The following RTL4 variants were observed in gnomAD, a reference collection of about 807,000 sequenced individuals.
RTL4 encodes retrotransposon Gag-like protein 4.
A neutral mutation model predicts 5.3 loss-of-function variants in RTL4; 4 were observed. That is an observed-to-expected ratio of 0.75 (90% confidence interval 0.37 to 1.72). RTL4 has a LOEUF of 1.72. Among genes scored for constraint, RTL4 ranks in the 40% most tolerant of loss-of-function variants. RTL4 has a pLI of 0.04. For synonymous variants in RTL4, 98 were observed against 87.3 expected (o/e 1.12, Z -0.68); for missense variants, 260 against 227.1 (o/e 1.14, Z -0.93).
the RTL4 span, among the ~76,000 whole-genome samples, chrX:112,163,180 G>A: frequency 8.9e-6 from 1 of 111,851 alleles, no homozygotes; most frequent in Non-Finnish European, 1.9e-5. Flanking sequence ...TGTAGAAAGA[G>A]CCCAAGTGTG....
the RTL4 span, among the ~76,000 whole-genome samples, chrX:112,425,255 T>C: frequency 9.0e-6 from 1 of 111,619 alleles, no homozygotes; most frequent in East Asian, 2.8e-4. Flanking sequence ...TTTTCATGGC[T>C]TCGTTGCTCA....
At chrX:112,243,343 G>C in the RTL4 span, among the ~76,000 whole-genome samples, 3 of 111,124 alleles carry the variant, frequency 2.7e-5, no homozygotes, top group Non-Finnish European at 3.8e-5. Context: ...TTTTTGGTTA[G>C]TAGGCTATTA....
At chrX:112,088,432 T>G in the RTL4 span, among the ~76,000 whole-genome samples, 4 of 112,034 alleles carry the variant, frequency 3.6e-5, no homozygotes, top group African/African-American at 1.3e-4. Context: ...TGTATAGATA[T>G]AATATATTTC....
chrX:112,218,685 A>G, the RTL4 span, among the ~76,000 whole-genome samples: 2 of 110,692 alleles, frequency 1.8e-5, no homozygotes, highest in African/African-American at 6.6e-5. Flanking sequence ...GTGATTCGGG[A>G]TTTGGTTTTT....
the RTL4 span, among the ~76,000 whole-genome samples, chrX:112,342,641 T>A: frequency 9.0e-6 from 1 of 111,434 alleles, no homozygotes; most frequent in African/African-American, 3.3e-5. Flanking sequence ...AGAGAAACCA[T>A]GGGAATGTCT....
the RTL4 span, among the ~76,000 whole-genome samples, chrX:112,132,140 C>T: frequency 6.3e-5 from 7 of 111,250 alleles, no homozygotes; most frequent in East Asian, 5.7e-4. Context: ...TAGACAAAAA[C>T]GTAAGTTAAA....
At chrX:112,247,081 T>A in the RTL4 span, among the ~76,000 whole-genome samples, 1,066 of 111,689 alleles carry the variant, frequency 9.5e-3, 9 homozygotes, top group Middle Eastern at 0.028. Flanking sequence ...CAAAATGGAA[T>A]TTTGTAAAAT....
the RTL4 span, among the ~76,000 whole-genome samples, chrX:112,159,503 A>T: frequency 3.6e-5 from 4 of 111,963 alleles, no homozygotes; most frequent in African/African-American, 1.3e-4. Flanking sequence ...CCAGCGGGGA[A>T]ATAGCAAAAA....
chrX:112,224,093 C>T, the RTL4 span, among the ~76,000 whole-genome samples: 1 of 110,654 alleles, frequency 9.0e-6, no homozygotes, highest in African/African-American at 3.3e-5. Context: ...TTATGGAGCC[C>T]ATAATTGGTC....
the RTL4 span, among the ~76,000 whole-genome samples, chrX:112,305,746 T>C: frequency 8.9e-6 from 1 of 112,248 alleles, no homozygotes; most frequent in Non-Finnish European, 1.9e-5. Flanking sequence ...TGTGATTCGT[T>C]GTATAATATA....
the RTL4 span, among the ~76,000 whole-genome samples, chrX:112,162,690 A>C: frequency 3.6e-5 from 4 of 112,106 alleles, no homozygotes; most frequent in Middle Eastern, 4.2e-3. Flanking sequence ...AATTATTATT[A>C]ACTCTATCAC....
At chrX:112,097,865 G>A in the RTL4 span, among the ~76,000 whole-genome samples, 1 of 111,223 alleles carries the variant, frequency 9.0e-6, no homozygotes, top group Non-Finnish European at 1.9e-5. Flanking sequence ...GGTGTTTTGA[G>A]GACCAGGAAT....
the RTL4 span, among the ~76,000 whole-genome samples, chrX:112,231,286 G>A: frequency 4.5e-5 from 5 of 109,972 alleles, no homozygotes; most frequent in Admixed American, 2.0e-4. Context: ...TGTTTATTGC[G>A]GCACTATTCA....
At chrX:112,099,589 G>T in the RTL4 span, among the ~76,000 whole-genome samples, 1 of 111,420 alleles carries the variant, frequency 9.0e-6, no homozygotes, top group Non-Finnish European at 1.9e-5. Context: ...CTAGGAAGTG[G>T]GTGGGGAAGG....
chrX:112,367,331 G>A, the RTL4 span, among the ~76,000 whole-genome samples: 1 of 111,197 alleles, frequency 9.0e-6, no homozygotes, highest in Non-Finnish European at 1.9e-5. Context: ...AAAGAACCAA[G>A]AAAAGAAAAC....
At chrX:112,325,923 A>G in the RTL4 span, among the ~76,000 whole-genome samples, 6 of 112,264 alleles carry the variant, frequency 5.3e-5, no homozygotes, top group Non-Finnish European at 1.1e-4. Context: ...GCTAATATCC[A>G]GAATCTACAA....
At chrX:112,279,139 A>C in the RTL4 span, among the ~76,000 whole-genome samples, 15 of 110,820 alleles carry the variant, frequency 1.4e-4, no homozygotes, top group Non-Finnish European at 3.8e-5. Context: ...AGAACAGAGA[A>C]AATGGAAAGG....
chrX:112,192,355 T>C, the RTL4 span, among the ~76,000 whole-genome samples: 1 of 110,821 alleles, frequency 9.0e-6, no homozygotes, highest in Admixed American at 9.6e-5. Context: ...GGGAAAAGCT[T>C]TTAGTCTTTC....
At chrX:112,088,112 A>G in the RTL4 span, among the ~76,000 whole-genome samples, 41 of 108,108 alleles carry the variant, frequency 3.8e-4, no homozygotes, top group African/African-American at 1.3e-3. Context: ...CTGCCTCCCT[A>G]AGAACTGGGA....
Sources: gnomAD v4.1 joint callset for allele counts (sites outside exome capture counted in the v4.1 genomes callset) on GRCh38, gnomAD v4.1.1 for gene constraint, MANE v1.5 for transcripts, NCBI Gene and HGNC (gene_info 2026-07-23, HGNC 2026-07-21) for gene names.